Variants in THSD7B observed in about 807,000 individuals in gnomAD.
THSD7B encodes the protein thrombospondin type 1 domain containing 7B, also known as thrombospondin type-1 domain-containing protein 7B.
A neutral mutation model predicts 213.6 loss-of-function variants in THSD7B; 138 were observed. The observed-to-expected ratio is 0.65, with a 90% CI of 0.56 to 0.74. The LOEUF (loss-of-function observed/expected upper bound fraction) is 0.74, where lower values mean the gene tolerates loss of function less well. Among genes scored for constraint, THSD7B ranks in the 30% least tolerant of loss-of-function variants. The pLI, the probability that THSD7B is intolerant of heterozygous loss-of-function variation, is 0.00. For synonymous variants in THSD7B, 742 were observed against 687.0 expected, an observed-to-expected ratio of 1.08 and a Z score of -1.25; for missense variants, 1,931 against 1,991.5, an observed-to-expected ratio of 0.97 and a Z score of 0.58.
intron 10 of THSD7B, among the ~76,000 whole-genome samples, chr2:137,271,445 TATATA>T (rs139584857): frequency 0.025 from 3,282 of 131,372 alleles, 224 homozygotes; most frequent in African/African-American, 0.091. Flanking sequence ...TATAATATAA[TATATA>T]ATATAATATA....
chr2:137,037,170 C>T (rs1686793580), intron 2 of THSD7B, among the ~76,000 whole-genome samples: 1 of 152,070 alleles, frequency 6.6e-6, no homozygotes. Flanking sequence ...TCTTAAATAT[C>T]TATTTCTGGC....
At chr2:137,508,633 C>T (rs1250458439) in intron 15 of THSD7B, among the ~76,000 whole-genome samples, 2 of 151,160 alleles carry the variant, frequency 1.3e-5, no homozygotes, top group Non-Finnish European at 2.9e-5. Flanking sequence ...TCGTGATCTG[C>T]CCGCCTCGGC....
chr2:137,450,429 C>A (rs1462561360), intron 14 of THSD7B, among the ~76,000 whole-genome samples: 3 of 152,206 alleles, frequency 2.0e-5, no homozygotes, highest in African/African-American at 7.2e-5. Context: ...GAATAAACAT[C>A]TTTTTAAGTG....
chr2:137,507,739 C>T (rs1679870061), intron 15 of THSD7B, among the ~76,000 whole-genome samples: 1 of 151,742 alleles, frequency 6.6e-6, no homozygotes. Context: ...TCTCTCTCTA[C>T]TTCTTTCCCT....
chr2:136,888,905 C>T (rs1683766784), intron 2 of THSD7B, among the ~76,000 whole-genome samples: 1 of 151,214 alleles, frequency 6.6e-6, no homozygotes, highest in Non-Finnish European at 1.5e-5. Context: ...GAAAAATATC[C>T]CCAGCACATT....
At chr2:137,422,860 T>A (rs1686958220) in intron 14 of THSD7B, among the ~76,000 whole-genome samples, 2 of 152,102 alleles carry the variant, frequency 1.3e-5, no homozygotes, top group African/African-American at 4.8e-5. Context: ...TCTTTATTGA[T>A]GATTGAAAAT....
At chr2:137,564,345 A>C (rs1681188751) in intron 16 of THSD7B, among the ~76,000 whole-genome samples, 1 of 152,168 alleles carries the variant, frequency 6.6e-6, no homozygotes, top group Non-Finnish European at 1.5e-5. Context: ...ATGTTGCAAA[A>C]TCACTGGTAG....
chr2:137,572,426 G>A lies in THSD7B; in HGVS notation c.3293G>A (p.Gly1098Asp), dbSNP rs139737002. The change falls in exon 17 of 28, where the codon GGT becomes GAT. Residue 1098 changes from glycine to aspartate, a missense_variant. Gly to Asp is a moderately conservative substitution (Grantham distance 94). Transcript: ENST00000409968. ...RKIRCVNTAD[G>D]EGGAVDSNLC... Reference sequence around the variant, plus strand: ...TACAGATGTGTGAATACTGCGGATGGTGAAGGTGGAGCAGTGGATAGCAAC... The same window carrying A: ...TACAGATGTGTGAATACTGCGGATGATGAAGGTGGAGCAGTGGATAGCAAC... The A allele has an allele frequency of 2.5e-5, 40 of 1,613,924 alleles. No homozygotes were observed. Among genetic ancestry groups the A allele is most frequent in the Non-Finnish European group, 3.1e-5 (37 of 1,179,834 alleles).
intron 15 of THSD7B, among the ~76,000 whole-genome samples, chr2:137,482,033 C>T (rs1345835269): frequency 2.0e-5 from 3 of 151,964 alleles, no homozygotes; most frequent in Admixed American, 6.6e-5. Context: ...AAAAAATTAG[C>T]TGGGCGTGGT....
chr2:137,029,731 T>A (rs1037582949), intron 2 of THSD7B, among the ~76,000 whole-genome samples: 8 of 152,090 alleles, frequency 5.3e-5, no homozygotes, highest in Admixed American at 2.6e-4. Flanking sequence ...GCTGTCAGGG[T>A]GTTAGGGTTC....
In THSD7B at chr2:137,657,211, T is replaced by G; in HGVS notation, c.4375+51T>G. 4 of 1,531,606 alleles carry G rather than the reference T, an allele frequency of 2.6e-6. No individual in the cohort carries two copies. The South Asian group carries it at 4.7e-5, about 18-fold the overall frequency. The allele number at this position is 1,531,606 out of a possible 1,614,324, so 94.9% of individuals were successfully genotyped here. ...GCACTTCACAAACACCCCTGAGTGT[T>G]GTTATTTGTGAGAAGAATTAGCTTA... On this transcript the variant is annotated intron_variant, in intron 24 of 27. Transcript: ENST00000409968.
At chr2:137,129,248 C>G (rs1688682347) in intron 5 of THSD7B, among the ~76,000 whole-genome samples, 1 of 152,138 alleles carries the variant, frequency 6.6e-6, no homozygotes, top group Non-Finnish European at 1.5e-5. Flanking sequence ...TCTTGCAACT[C>G]TGGAGCTCAA....
At chr2:137,195,234 G>GTATA (rs148274457) in intron 7 of THSD7B, among the ~76,000 whole-genome samples, 65 of 146,088 alleles carry the variant, frequency 4.4e-4, no homozygotes, top group African/African-American at 1.4e-3. Context: ...ATGTATGTGT[G>GTATA]TATATATATA....
intron 2 of THSD7B, among the ~76,000 whole-genome samples, chr2:136,996,643 G>C (rs981935219): frequency 6.6e-6 from 1 of 152,150 alleles, no homozygotes; most frequent in East Asian, 1.9e-4. Flanking sequence ...ACTGCATCTA[G>C]CCACTTTGTT....
chr2:136,997,942 A>G (rs1573757212), intron 2 of THSD7B, among the ~76,000 whole-genome samples: 1 of 152,248 alleles, frequency 6.6e-6, no homozygotes, highest in East Asian at 1.9e-4. Context: ...ACCAAGGGCA[A>G]AGGTAAGGCA....
chr2:137,123,882 T>C (rs1328990712), intron 5 of THSD7B, among the ~76,000 whole-genome samples: 2 of 152,122 alleles, frequency 1.3e-5, no homozygotes, highest in Non-Finnish European at 2.9e-5. Context: ...GCATAAGCCT[T>C]GAGAAGAGGC....
intron 16 of THSD7B, among the ~76,000 whole-genome samples, chr2:137,570,096 T>A (rs1283559945): frequency 6.6e-6 from 1 of 151,820 alleles, no homozygotes. Flanking sequence ...GAAATTAAAG[T>A]CCATAGTTAT....
chr2:136,961,980 A>G (rs549334737), intron 2 of THSD7B, among the ~76,000 whole-genome samples: 1 of 152,334 alleles, frequency 6.6e-6, no homozygotes, highest in African/African-American at 2.4e-5. Context: ...GGCCAAGTGA[A>G]TTAAGGTTGC....
intron 21 of THSD7B, among the ~76,000 whole-genome samples, chr2:137,653,712 C>A (rs917864690): frequency 6.6e-5 from 10 of 150,716 alleles, no homozygotes; most frequent in African/African-American, 2.4e-4. Flanking sequence ...CTTTTGAGAG[C>A]CTCTAATGAA....
Sources: allele counts gnomAD v4.1 joint callset (sites outside exome capture counted in the v4.1 genomes callset), GRCh38; gene constraint gnomAD v4.1.1; transcripts MANE v1.5; gene names NCBI Gene and HGNC (gene_info 2026-07-23, HGNC 2026-07-21).